The following LDHA variants were observed in gnomAD, a reference collection of about 807,000 sequenced individuals.
The protein encoded by LDHA is L-lactate dehydrogenase A chain.
Under a neutral mutation model 36.3 loss-of-function variants are expected in LDHA, and 10 were observed. That is an observed-to-expected ratio of 0.28 (90% CI 0.17 to 0.47). LDHA has a LOEUF of 0.47. LDHA is among the 20% of genes least tolerant of loss of function. The pLI, the probability that LDHA is intolerant of heterozygous loss-of-function variation, is 0.99. For missense variants in LDHA, 267 were observed against 405.8 expected (o/e 0.66, Z 2.94); for synonymous variants, 110 against 136.7 (o/e 0.80, Z 1.36).
chr11:18,406,461 G>A (rs1048097844), intron 7 of LDHA, among the ~76,000 whole-genome samples: 2 of 146,176 alleles, frequency 1.4e-5, no homozygotes, highest in African/African-American at 2.5e-5. Context: ...GCTGATGCCT[G>A]TAATCCCAGC....
chr11:18,405,935 TAACTG>T (rs574018612), intron 7 of LDHA: 114 of 255,408 alleles, frequency 4.5e-4, no homozygotes, highest in African/African-American at 2.5e-3. Context: ...AATTAAATCA[TAACTG>T]AACACCTGGA....
intron 1 of LDHA, chr11:18,395,410 GTC>G (rs1283528303): frequency 2.0e-5 from 3 of 151,044 alleles, no homozygotes; most frequent in Admixed American, 6.6e-5. Flanking sequence ...GTTTTTGCAT[GTC>G]TCTCGCCTCT....
At chr11:18,403,441 T>C (rs1233600145) in intron 5 of LDHA, among the ~76,000 whole-genome samples, 1 of 152,226 alleles carries the variant, frequency 6.6e-6, no homozygotes, top group African/African-American at 2.4e-5. Flanking sequence ...TATCTTTATA[T>C]TTCAAATATA....
chr11:18,396,334 G>C (rs961783793), intron 1 of LDHA: 3 of 394,354 alleles, frequency 7.6e-6, no homozygotes, highest in Non-Finnish European at 1.3e-5. Flanking sequence ...CCACCTTTCC[G>C]AGCGGGAAGG....
chr11:18,405,380 AAACT>A (rs1866649390), intron 6 of LDHA, 65 bp from the exon 7 acceptor site: 10 of 1,523,116 alleles, frequency 6.6e-6, no homozygotes, highest in Non-Finnish European at 9.1e-6. Context: ...GTATTAATGA[AAACT>A]TTGTTTTTCT....
rs10832932 is a variant in LDHA at position 18,402,676 on chromosome 11, G to C, written c.419-164G>C. On this transcript the variant is annotated intron_variant, in intron 4 of 7. Transcript: ENST00000422447. ...AAAATATTAACAAAATTATTGGTTAGCCATGATCAATATCAAGATCCTGAA... is the reference window on the plus strand; with the variant it reads ...AAAATATTAACAAAATTATTGGTTACCCATGATCAATATCAAGATCCTGAA... 448,447 of 646,902 alleles carry C rather than the reference G, an allele frequency of 0.69. 157,696 individuals are homozygous for C. Among genetic ancestry groups the C allele is most frequent in the South Asian group, 0.75 (43,856 of 58,752 alleles). The allele number at this position is 646,902 out of a possible 1,614,324, so 40.1% of individuals were successfully genotyped here.
intron 7 of LDHA, 97 bp from the exon 8 acceptor site, chr11:18,407,016 TAAAA>T (rs1045907225): frequency 8.2e-6 from 7 of 858,546 alleles, no homozygotes; most frequent in Non-Finnish European, 1.2e-5. Context: ...AAAAAAAAAT[TAAAA>T]AAAAAAAGCT....
chr11:18,401,491 T>TTTTTTTTTTTA, intron 4 of LDHA, among the ~76,000 whole-genome samples: 2 of 127,432 alleles, frequency 1.6e-5, no homozygotes, highest in East Asian at 2.5e-4. Flanking sequence ...TTTTTTTTTT[T>TTTTTTTTTTTA]TTTTGAGACG....
Sources: gnomAD v4.1 joint callset for allele counts (sites outside exome capture counted in the v4.1 genomes callset) on GRCh38, gnomAD v4.1.1 for gene constraint, MANE v1.5 for transcripts, NCBI Gene and HGNC (gene_info 2026-07-23, HGNC 2026-07-21) for gene names.